LPXN: variants seen among roughly 807,000 people sequenced by gnomAD.
LPXN encodes the protein leupaxin.
Under a neutral mutation model 45.6 loss-of-function variants are expected in LPXN, and 28 were observed. That is an observed-to-expected ratio of 0.61 (90% CI 0.45 to 0.84). The LOEUF (loss-of-function observed/expected upper bound fraction) is 0.84, where lower values mean the gene tolerates loss of function less well. Ranked by LOEUF, LPXN falls within the 40% of genes least tolerant of loss-of-function variation. The probability of loss-of-function intolerance (pLI) is 0.00; values close to 1 mark genes in which losing one functional copy is unlikely to be tolerated. For missense variants in LPXN, 459 were observed against 475.0 expected (o/e 0.97, Z 0.31); for synonymous variants, 166 against 169.9 (o/e 0.98, Z 0.18).
rs192276823 is a variant in LPXN, at chr11:58,539,948, G to A, written c.742+9838C>T. ...TGGGGAACTTTAAAATAGAGGGATC[G>A]GGATGACACTGCTTAAATTTAGTGG... On this transcript the variant is annotated intron_variant, in intron 7 of 8. Transcript: ENST00000395074. Among the ~76,000 whole-genome samples the A allele has an allele frequency of 1.7e-4, 26 of 152,134 alleles. 1 individual carries two copies. Among genetic ancestry groups the A allele is most frequent in the Admixed American group, 1.4e-3 (22 of 15,268 alleles).
chr11:58,531,147 T>C (rs2120182815), intron 7 of LPXN, among the ~76,000 whole-genome samples: 1 of 152,048 alleles, frequency 6.6e-6, no homozygotes, highest in Admixed American at 6.5e-5. Flanking sequence ...ATGCCTCTTC[T>C]CCAAAGGATC....
At chr11:58,577,902 T>C (rs572211363), upstream of LPXN, 2 of 1,185,186 alleles carry the variant, frequency 1.7e-6, no homozygotes, top group African/African-American at 1.6e-5. Context: ...TTCACAGATT[T>C]GATTAAGAGC....
At chr11:58,545,604 C>A (rs1162429776) in intron 7 of LPXN, among the ~76,000 whole-genome samples, 1 of 152,156 alleles carries the variant, frequency 6.6e-6, no homozygotes, top group African/African-American at 2.4e-5. Flanking sequence ...AAGCAAATTA[C>A]TACAGAGCAC....
chr11:58,532,645 T>C (rs965274541), intron 7 of LPXN, among the ~76,000 whole-genome samples: 1 of 152,210 alleles, frequency 6.6e-6, no homozygotes, highest in Admixed American at 6.5e-5. Flanking sequence ...TGTGTCTAGC[T>C]CAGGGATTGT....
intron 3 of LPXN, among the ~76,000 whole-genome samples, chr11:58,560,829 T>C (rs1240457935): frequency 6.6e-6 from 1 of 151,232 alleles, no homozygotes; most frequent in Non-Finnish European, 1.5e-5. Context: ...GCCAAAATAA[T>C]GTTTAAAGGC....
intron 7 of LPXN, among the ~76,000 whole-genome samples, chr11:58,534,382 G>A (rs60998298): frequency 0.12 from 18,981 of 152,024 alleles, 1,399 homozygotes; most frequent in Middle Eastern, 0.18. Context: ...TCTCAAAACC[G>A]CACAACTACA....
intron 2 of LPXN, among the ~76,000 whole-genome samples, chr11:58,564,706 A>G (rs1017879572): frequency 6.6e-6 from 1 of 152,250 alleles, no homozygotes; most frequent in Non-Finnish European, 1.5e-5. Context: ...AAAAAAATCA[A>G]ATAAAAACTG....
rs939007024 is a variant in LPXN at position 58,554,842 on chromosome 11, T to C, written c.317A>G (p.Lys106Arg). 1 of 1,613,178 alleles carries C rather than the reference T, an allele frequency of 6.2e-7. No homozygotes were observed. The highest frequency in any genetic ancestry group is 1.3e-5 in the African/African-American group (1 of 74,896). ...LMAHLTEMQAKVAVRADAGKK... is the reference protein window; with the variant it reads ...LMAHLTEMQARVAVRADAGKK... ...GCACTCACCTTGGCCTGCACTCACC[T>C]TGGCCTGCATCTCAGTCAGGTGAGC... Residue 106 changes from lysine (K) to arginine (R), a missense_variant and splice_region_variant, in exon 4 of 9, where the codon AAG becomes AGG. Lys to Arg is a conservative substitution (Grantham distance 26). Transcript: ENST00000395074.
intron 1 of LPXN, among the ~76,000 whole-genome samples, chr11:58,574,184 G>A (rs76759142): frequency 2.0e-5 from 3 of 152,184 alleles, no homozygotes; most frequent in Non-Finnish European, 2.9e-5. Flanking sequence ...TAGCTTCCAG[G>A]CTACTTGGTA....
chr11:58,568,887 A>G (rs914684206), intron 2 of LPXN, among the ~76,000 whole-genome samples: 1 of 152,134 alleles, frequency 6.6e-6, no homozygotes, highest in African/African-American at 2.4e-5. Context: ...ATGAGATGGG[A>G]GTCATTTTGG....
chr11:58,555,175 T>C (rs1221710083), intron 3 of LPXN, among the ~76,000 whole-genome samples: 1 of 152,184 alleles, frequency 6.6e-6, no homozygotes, highest in Admixed American at 6.5e-5. Context: ...AAAAGTATTA[T>C]ATCTCCTGTC....
At position 58,547,253 on chromosome 11, in the gene LPXN, G is replaced by A. The variant is rs144338506; in HGVS notation, c.742+2533C>T. Among the ~76,000 whole-genome samples the A allele has an allele frequency of 1.8e-3, 269 of 152,274 alleles. 2 individuals carry two copies. Among genetic ancestry groups the A allele is most frequent in the Non-Finnish European group, 2.6e-4 (18 of 68,014 alleles). ...ATGAGAGGAAGAGATTATCTGGAAC[G>A]ATGTTAATAATTTCTAAGGGTTCAC... On this transcript the variant is annotated intron_variant, in intron 7 of 8. Transcript: ENST00000395074.
At chr11:58,545,951 C>T (rs951632387) in intron 7 of LPXN, among the ~76,000 whole-genome samples, 1 of 152,006 alleles carries the variant, frequency 6.6e-6, no homozygotes, top group Non-Finnish European at 1.5e-5. Flanking sequence ...TAATAATATG[C>T]CTGATATTTA....
intron 7 of LPXN, among the ~76,000 whole-genome samples, chr11:58,539,928 A>T (rs28636578): frequency 0.011 from 1,661 of 152,254 alleles, 38 homozygotes; most frequent in African/African-American, 0.038. Flanking sequence ...ATTAATGGGG[A>T]ACTTTAAAAT....
chr11:58,547,922 C>T (rs1273507716), intron 7 of LPXN, among the ~76,000 whole-genome samples: 1 of 151,844 alleles, frequency 6.6e-6, no homozygotes, highest in Non-Finnish European at 1.5e-5. Flanking sequence ...CTTTCTGATT[C>T]CATATTTGTT....
chr11:58,528,677 G>C (rs907036106), intron 7 of LPXN, among the ~76,000 whole-genome samples: 2 of 152,034 alleles, frequency 1.3e-5, no homozygotes, highest in Non-Finnish European at 2.9e-5. Flanking sequence ...TGTTGATCTT[G>C]TCACCATTAT....
At chr11:58,553,767 T>C (rs1252460968) in intron 4 of LPXN, 13 of 152,222 alleles carry the variant, frequency 8.5e-5, no homozygotes, top group Non-Finnish European at 1.5e-5. Flanking sequence ...ATTCTCCACC[T>C]TAAGGATTCT....
chr11:58,569,100 G>A (rs1471334594), intron 2 of LPXN, among the ~76,000 whole-genome samples: 1 of 152,194 alleles, frequency 6.6e-6, no homozygotes, highest in African/African-American at 2.4e-5. Flanking sequence ...CTGGAGAAAA[G>A]AACAGTTAGG....
At chr11:58,528,236 G>A (rs1356058925) in intron 7 of LPXN, 45 bp from the exon 8 acceptor site, 3 of 1,594,110 alleles carry the variant, frequency 1.9e-6, no homozygotes, top group East Asian at 4.5e-5. Flanking sequence ...GTTGAGCCCT[G>A]AAAGCTACAC....
Sources: gnomAD v4.1 joint callset for allele counts (sites outside exome capture counted in the v4.1 genomes callset) on GRCh38, gnomAD v4.1.1 for gene constraint, MANE v1.5 for transcripts, NCBI Gene and HGNC (gene_info 2026-07-23, HGNC 2026-07-21) for gene names.